Variants in RB1 observed in about 807,000 individuals in gnomAD.
RB1 encodes retinoblastoma-associated protein.
RB1 carries 18 observed loss-of-function variants against 135.4 expected under a neutral mutation model. That is an observed-to-expected ratio of 0.13 (90% CI 0.09 to 0.20). The LOEUF is 0.20. RB1 is among the 10% of genes least tolerant of loss of function. The probability of loss-of-function intolerance (pLI) is 1.00; values close to 1 mark genes in which losing one functional copy is unlikely to be tolerated. For missense variants in RB1, 868 were observed against 1,110.0 expected (o/e 0.78, Z 3.10); for synonymous variants, 365 against 373.2 (o/e 0.98, Z 0.25).
chr13:48,306,178 G>A (rs372941605), intron 1 of RB1, among the ~76,000 whole-genome samples: 197 of 152,338 alleles, frequency 1.3e-3, no homozygotes, highest in African/African-American at 4.3e-3. Flanking sequence ...GCCAAGATGG[G>A]AAGATTGCTT....
intron 17 of RB1, chr13:48,408,815 C>A (rs2138192258): frequency 6.6e-6 from 1 of 152,250 alleles, no homozygotes; most frequent in Non-Finnish European, 1.5e-5. Context: ...ATAGTAATAA[C>A]AACTATTTAA....
At chr13:48,373,549 T>C (rs896309793) in intron 12 of RB1, 57 bp downstream of exon 12, 2 of 1,157,098 alleles carry the variant, frequency 1.7e-6, no homozygotes, top group Non-Finnish European at 2.6e-6. Flanking sequence ...AACTTGAAAT[T>C]AAAAGTTAAA....
intron 17 of RB1, among the ~76,000 whole-genome samples, chr13:48,383,141 C>CTATT (rs1342746857): frequency 6.6e-6 from 1 of 151,974 alleles, no homozygotes; most frequent in African/African-American, 2.4e-5. Context: ...TGAGATTATG[C>CTATT]TATTTAGATT....
intron 17 of RB1, among the ~76,000 whole-genome samples, chr13:48,425,925 G>A (rs1205570020): frequency 6.6e-6 from 1 of 152,214 alleles, no homozygotes; most frequent in Non-Finnish European, 1.5e-5. Flanking sequence ...ATTACAAAGT[G>A]ATTATTGGTG....
intron 2 of RB1, among the ~76,000 whole-genome samples, chr13:48,313,809 C>T (rs975207883): frequency 2.3e-5 from 3 of 128,472 alleles, no homozygotes; most frequent in African/African-American, 8.5e-5. Flanking sequence ...AGTGCGGTGG[C>T]ACAATCTCGG....
In RB1 at chr13:48,481,026, T is replaced by C. The variant is rs1949535490; in HGVS notation, c.*955T>C. ...TTTTACTCCATAAACAGACTGTTAA[T>C]TATAGGAGCCTTAATTTTTTTTTCA... On this transcript the variant is annotated 3_prime_UTR_variant, in exon 27 of 27. Transcript: ENST00000267163. 4.4e-6 allele frequency: 1 copy of C among 229,450 alleles called. No homozygotes were observed. The highest frequency in any genetic ancestry group is 6.3e-5 in the East Asian group (1 of 15,984). The allele number at this position is 229,450 out of a possible 1,614,324, so 14.2% of individuals were successfully genotyped here. A position where few individuals can be genotyped will look rare whatever the true frequency, so the allele number is the denominator to read the frequency against.
intron 26 of RB1, among the ~76,000 whole-genome samples, chr13:48,477,773 CA>C (rs1949513206): frequency 6.6e-6 from 1 of 152,188 alleles, no homozygotes; most frequent in Non-Finnish European, 1.5e-5. Context: ...TAAACATCAT[CA>C]CCCTTATTTA....
chr13:48,474,699 C>T (rs1308045527), intron 24 of RB1, among the ~76,000 whole-genome samples: 5 of 152,124 alleles, frequency 3.3e-5, no homozygotes, highest in African/African-American at 1.2e-4. Flanking sequence ...TGCATGAGAT[C>T]CTGCCTCAGT....
intron 2 of RB1, chr13:48,333,149 C>T (rs1160293568): frequency 2.5e-6 from 1 of 397,408 alleles, no homozygotes; most frequent in Non-Finnish European, 4.4e-6. Flanking sequence ...TCACATTGAA[C>T]ACCTTAAATA....
At chr13:48,401,520 A>G (rs1948691532) in intron 17 of RB1, 2 of 152,358 alleles carry the variant, frequency 1.3e-5, no homozygotes, top group South Asian at 4.1e-4. Flanking sequence ...ATTATAAAAT[A>G]GAACAACTTT....
intron 4 of RB1, among the ~76,000 whole-genome samples, chr13:48,347,056 G>A (rs1952505167): frequency 1.3e-5 from 2 of 151,748 alleles, no homozygotes; most frequent in South Asian, 4.1e-4. Flanking sequence ...TCGACTGGAT[G>A]CTTCCAAGTT....
chr13:48,364,337 A>C (rs1952672493), intron 8 of RB1, among the ~76,000 whole-genome samples: 1 of 152,250 alleles, frequency 6.6e-6, no homozygotes, highest in African/African-American at 2.4e-5. Flanking sequence ...CATAAAATAC[A>C]TACAAAACTG....
chr13:48,318,732 G>A (rs146633581), intron 2 of RB1: 4 of 646,616 alleles, frequency 6.2e-6, no homozygotes, highest in East Asian at 2.9e-5. Context: ...CAGCGGGTCC[G>A]GTGTTTTAGA....
At chr13:48,459,482 T>C (rs544948913) in intron 19 of RB1, among the ~76,000 whole-genome samples, 1 of 152,272 alleles carries the variant, frequency 6.6e-6, no homozygotes, top group East Asian at 1.9e-4. Flanking sequence ...GCCCTCTGCA[T>C]TTCTTCATCT....
intron 4 of RB1, among the ~76,000 whole-genome samples, chr13:48,346,075 T>A (rs1366533601): frequency 2.0e-5 from 3 of 150,912 alleles, no homozygotes. Flanking sequence ...CTGGTTTTAA[T>A]TGTAATATGG....
chr13:48,329,687 G>A (rs779090925), intron 2 of RB1, among the ~76,000 whole-genome samples: 1 of 152,034 alleles, frequency 6.6e-6, no homozygotes, highest in Non-Finnish European at 1.5e-5. Flanking sequence ...CTTTTGGAAA[G>A]ACCCATTCTT....
intron 2 of RB1, among the ~76,000 whole-genome samples, chr13:48,325,103 T>C (rs1403347975): frequency 1.3e-5 from 2 of 152,064 alleles, no homozygotes; most frequent in Admixed American, 6.6e-5. Flanking sequence ...TACCTACTAG[T>C]TGTTTGTCCT....
Position 48,464,978 on chromosome 13 carries a change from T to TTTTA in RB1, c.2212-17_2212-16insATTT. 1 of 1,452,596 alleles carries TTTTA rather than the reference T, an allele frequency of 6.9e-7. No homozygotes were observed. The highest frequency in any genetic ancestry group is 1.3e-5 in the South Asian group (1 of 74,546). 90.0% of individuals were successfully genotyped at this position (1,452,596 alleles called of 1,614,324 possible). A position where few individuals can be genotyped will look rare whatever the true frequency, so the allele number is the denominator to read the frequency against. On this transcript the variant is annotated intron_variant, in intron 21 of 26. Coordinates refer to ENST00000267163, the MANE Select transcript of RB1 (RefSeq NM_000321.3). Reference sequence around the variant, plus strand: ...TTTTACTTTTTTTTTTTTTTTTTTTTTTTTACTGTTCTTCCTCAGACATTC... The same window carrying TTTTA: ...TTTTACTTTTTTTTTTTTTTTTTTTTTTTATTTTACTGTTCTTCCTCAGACATTC...
At chr13:48,330,251 C>A (rs1371210634) in intron 2 of RB1, among the ~76,000 whole-genome samples, 1 of 151,966 alleles carries the variant, frequency 6.6e-6, no homozygotes, top group Non-Finnish European at 1.5e-5. Context: ...AGTAACCTAA[C>A]TTTACATCTC....
Sources: allele counts gnomAD v4.1 joint callset (sites outside exome capture counted in the v4.1 genomes callset), GRCh38; gene constraint gnomAD v4.1.1; transcripts MANE v1.5; gene names NCBI Gene and HGNC (gene_info 2026-07-23, HGNC 2026-07-21).